The following ALKBH6 variants were observed in gnomAD, a reference collection of about 807,000 sequenced individuals.
The protein encoded by ALKBH6 is alkB homolog 6, nucleotide demethylase.
In ALKBH6, 20 loss-of-function variants were observed where a neutral mutation model predicts 25.1. The ratio of observed to expected loss-of-function variants is 0.80; its 90% CI spans 0.56 to 1.16. The LOEUF (loss-of-function observed/expected upper bound fraction) is 1.16, where lower values mean the gene tolerates loss of function less well. ALKBH6 is among the 50% of genes most tolerant of loss of function. ALKBH6 has a pLI of 0.00. For missense variants in ALKBH6, 263 were observed against 326.5 expected, an observed-to-expected ratio of 0.81 and a Z score of 1.50; for synonymous variants, 156 against 147.5, an observed-to-expected ratio of 1.06 and a Z score of -0.42.
chr19:36,013,741 A>G lies in ALKBH6; in HGVS notation c.-25-319T>C. The G allele has an allele frequency of 1.6e-6, 2 of 1,287,614 alleles. No individual in the cohort carries two copies. Among genetic ancestry groups the G allele is most frequent in the Non-Finnish European group, 2.0e-6 (2 of 1,012,630 alleles). The allele number at this position is 1,287,614 out of a possible 1,614,324, so 79.8% of individuals were successfully genotyped here. On this transcript the variant is annotated intron_variant, in intron 1 of 6. Coordinates refer to ENST00000378875, the MANE Select transcript of ALKBH6 (RefSeq NM_032878.5). The surrounding 1 kb of genome is among the most constrained non-coding windows in gnomAD (Gnocchi z 4.6). ...ACAGGGAGCCTTTCTCAAAAGCTCT[A>G]CACATAGCCCCCAGGGCTGCACTCC...
Position 36,011,425 on chromosome 19 carries a change from C to T in ALKBH6, c.163G>A (p.Gly55Arg). Residue 55 changes from glycine to arginine, a missense_variant, in exon 4 of 7, where the codon GGG (glycine) becomes AGG (arginine). Physicochemically the swap from Gly to Arg is moderately radical, Grantham distance 125 (BLOSUM62 -2). Around this residue, in one of 3 missense-constraint regions of ALKBH6, gnomAD observed 112 missense variants for 153.0 expected, o/e 0.73. Transcript: ENST00000378875. ...APKPKWTQLSGRKLQNWGGLP... is the reference protein window; with the variant it reads ...APKPKWTQLSRRKLQNWGGLP... Reference sequence around the variant, plus strand: ...TTACCCCAGTTCTGTAACTTTCTCCCAGAGAGCTGGGTCCACTTTGGCTTT... The same window carrying T: ...TTACCCCAGTTCTGTAACTTTCTCCTAGAGAGCTGGGTCCACTTTGGCTTT... The T allele has an allele frequency of 6.2e-7, 1 of 1,613,414 alleles. No individual in the cohort carries two copies. Among genetic ancestry groups the T allele is most frequent in the Non-Finnish European group, 8.5e-7 (1 of 1,179,964 alleles).
At position 36,013,879 on chromosome 19, in the gene ALKBH6, A is replaced by C; in HGVS notation, c.-26+296T>G. 1 of 1,302,764 alleles carries C rather than the reference A, an allele frequency of 7.7e-7. No individual in the cohort carries two copies. Among genetic ancestry groups the C allele is most frequent in the Non-Finnish European group, 9.7e-7 (1 of 1,026,680 alleles). 80.7% of individuals were successfully genotyped at this position (1,302,764 alleles called of 1,614,324 possible). On this transcript the variant is annotated intron_variant, in intron 1 of 6. Transcript: ENST00000378875. The surrounding 1 kb of genome is among the most constrained non-coding windows in gnomAD (Gnocchi z 4.6). The stretch of plus-strand genomic sequence containing the variant: ...GAATCCCATTCTGTGCACTCCTGTG[A>C]CCCCAATCTGAGCCTCCTCAGACAT...
At chr19:36,009,849 G>A (rs1365112183) in intron 6 of ALKBH6, among the ~76,000 whole-genome samples, 1 of 152,100 alleles carries the variant, frequency 6.6e-6, no homozygotes, top group Non-Finnish European at 1.5e-5. Context: ...GGATCTCAAA[G>A]GGGCTGAGGC....
chr19:36,011,625 C>T (rs1399162602), intron 3 of ALKBH6, 161 bp from the exon 4 acceptor site: 2 of 750,552 alleles, frequency 2.7e-6, no homozygotes, highest in East Asian at 2.8e-5. Context: ...TTGTGGTTTG[C>T]CTTTTTTCCT....
Position 36,013,238 on chromosome 19 carries a change from T to G in ALKBH6, c.54+106A>C. The G allele has an allele frequency of 6.6e-7, 1 of 1,505,248 alleles. No homozygotes were observed. Among genetic ancestry groups the G allele is most frequent in the South Asian group, 1.1e-5 (1 of 87,306 alleles). 93.2% of individuals were successfully genotyped at this position (1,505,248 alleles called of 1,614,324 possible). A position where few individuals can be genotyped will look rare whatever the true frequency, so the allele number is the denominator to read the frequency against. ...TCAAGGGACCAGTGCCATTCCAGAA[T>G]GGACTCTGACAGTAAGAATGAATTT... On this transcript the variant is annotated intron_variant, in intron 2 of 6. Coordinates refer to ENST00000378875, the MANE Select transcript of ALKBH6 (RefSeq NM_032878.5). The surrounding 1 kb of genome is among the most constrained non-coding windows in gnomAD (Gnocchi z 4.6).
rs748868009 is a variant in ALKBH6 at position 36,010,584 on chromosome 19, C to T, written c.436G>A (p.Asp146Asn). The T allele has an allele frequency of 6.2e-6, 10 of 1,613,718 alleles. No homozygotes were observed. Among genetic ancestry groups the T allele is most frequent in the African/African-American group, 2.7e-5 (2 of 74,884 alleles). ...DFYEPRRPED[D>N]DPTEQPRPPP... The stretch of plus-strand genomic sequence containing the variant: ...GGGCCCACCTGTTCTGTAGGGTCAT[C>T]GTCCTCTGGCCGCCGCGGCTCGTAG... The change falls in exon 6 of 7, where the codon GAT becomes AAT. Residue 146 changes from aspartate (D) to asparagine (N), a missense_variant. By Grantham distance (23) the Asp-to-Asn change is conservative. Around this residue, in one of 3 missense-constraint regions of ALKBH6, gnomAD observed 148 missense variants for 157.5 expected, o/e 0.94. Transcript: ENST00000378875. This position sits in a 1 kb window ranked among gnomAD's most constrained non-coding sequence, Gnocchi z 5.5.
Position 36,010,924 on chromosome 19 carries a change from C to T in ALKBH6, c.306G>A (p.Val102=). The T allele has an allele frequency of 6.2e-7, 1 of 1,614,060 alleles. No individual in the cohort carries two copies. The highest frequency in any genetic ancestry group is 8.5e-7 in the Non-Finnish European group (1 of 1,179,968). Residue 102 remains valine, a synonymous_variant, in exon 5 of 7, where the codon GTG becomes GTA. Transcript: ENST00000378875. The surrounding 1 kb of genome is among the most constrained non-coding windows in gnomAD (Gnocchi z 5.5). ...TGCCCTCCCCAGGCAGATACTGGTT[C>T]ACGAGGACATGGTTAGCTGGGAGGC... ...FGGLPANHVL[V]NQYLPGEGIM...
rs946292038 is a variant in ALKBH6, at chr19:36,013,525, T to C, written c.-25-103A>G. ...AGGCCAGGCCTCACCTCAGCCCTCTTCTGAAACGCACTTGGTCTCTAAAAT... is the reference window on the plus strand; with the variant it reads ...AGGCCAGGCCTCACCTCAGCCCTCTCCTGAAACGCACTTGGTCTCTAAAAT... On this transcript the variant is annotated intron_variant, in intron 1 of 6. Transcript: ENST00000378875. The surrounding 1 kb of genome is among the most constrained non-coding windows in gnomAD (Gnocchi z 4.6). 9 of 1,530,822 alleles carry C rather than the reference T, an allele frequency of 5.9e-6. No homozygotes were observed. The highest frequency in any genetic ancestry group is 4.1e-5 in the Admixed American group (2 of 49,052). 94.8% of individuals were successfully genotyped at this position (1,530,822 alleles called of 1,614,324 possible). A position where few individuals can be genotyped will look rare whatever the true frequency, so the allele number is the denominator to read the frequency against.
In ALKBH6 at chr19:36,009,393, G is replaced by T; in HGVS notation, c.614C>A (p.Pro205Gln). 1.3e-5 allele frequency: 16 copies of T among 1,253,406 alleles called. No individual in the cohort carries two copies. The South Asian group carries it at 1.9e-4, about 15-fold the overall frequency. The allele number at this position is 1,253,406 out of a possible 1,614,324, so 77.6% of individuals were successfully genotyped here. A position where few individuals can be genotyped will look rare whatever the true frequency, so the allele number is the denominator to read the frequency against. ...CAGGCAGGCTCCCGGCCGCGCCGAC[G>T]GGCAGGCTGCCGCATTGGGCGGCGA... is the stretch of plus-strand genomic sequence containing the variant. ...ASSPPNAAAC[P>Q]SARPGACLVR... Residue 205 changes from proline to glutamine, a missense_variant, in exon 7 of 7, where the codon CCG becomes CAG. Around this residue, in one of 3 missense-constraint regions of ALKBH6, gnomAD observed 148 missense variants for 157.5 expected, o/e 0.94. Coordinates refer to ENST00000378875, the MANE Select transcript of ALKBH6 (RefSeq NM_032878.5).
In ALKBH6 at chr19:36,009,548, C is replaced by T. The variant is rs1968526789; in HGVS notation, c.459G>A (p.Arg153=). 1.6e-6 allele frequency: 2 copies of T among 1,232,472 alleles called. No homozygotes were observed. The highest frequency in any genetic ancestry group is 3.9e-5 in the South Asian group (1 of 25,900). The allele number at this position is 1,232,472 out of a possible 1,614,324, so 76.3% of individuals were successfully genotyped here. Reference sequence around the variant, plus strand: ...GCGAGGTGGTGGGCCGGGGCGGAGGCCGAGGCTGCAGGGCGGGTTGAGGGT... The same window carrying T: ...GCGAGGTGGTGGGCCGGGGCGGAGGTCGAGGCTGCAGGGCGGGTTGAGGGT... ...PEDDDPTEQP[R]PPPRPTTSLL... The change falls in exon 7 of 7, where the codon CGG becomes CGA. Residue 153 remains arginine (R), a synonymous_variant. Transcript: ENST00000378875.
In ALKBH6 at chr19:36,013,570, C is replaced by T; in HGVS notation, c.-25-148G>A. On this transcript the variant is annotated intron_variant, in intron 1 of 6. Transcript: ENST00000378875. The surrounding 1 kb of genome is among the most constrained non-coding windows in gnomAD (Gnocchi z 4.6). ...TAAAATCTGAGTCTTCAGCATCTTACAAGCCACACAGAGAGCCCCTACGTT... is the reference window on the plus strand; with the variant it reads ...TAAAATCTGAGTCTTCAGCATCTTATAAGCCACACAGAGAGCCCCTACGTT... The T allele has an allele frequency of 6.9e-7, 1 of 1,447,570 alleles. No homozygotes were observed. Among genetic ancestry groups the T allele is most frequent in the South Asian group, 1.4e-5 (1 of 70,220 alleles). 89.7% of individuals were successfully genotyped at this position (1,447,570 alleles called of 1,614,324 possible).
At chr19:36,014,131 C>A (rs1968711836) in intron 1 of ALKBH6, 44 bp downstream of exon 1, 1 of 1,609,934 alleles carries the variant, frequency 6.2e-7, no homozygotes, top group South Asian at 1.1e-5. Flanking sequence ...CACTTTCAGC[C>A]CTATTGACAT....
intron 3 of ALKBH6, 200 bp downstream of exon 3, chr19:36,012,820 TC>T: frequency 1.7e-6 from 1 of 591,002 alleles, no homozygotes; most frequent in East Asian, 2.9e-5. Flanking sequence ...AACTGGGCTA[TC>T]TCAGCCTATG....
At position 36,013,337 on chromosome 19, in the gene ALKBH6, T is replaced by G. The variant is rs1968671017; in HGVS notation, c.54+7A>C. The stretch of plus-strand genomic sequence containing the variant: ...CCTTCACCCTCTGCACCCTGAGTTC[T>G]GACAACCTGCTCCACTCTGAACGGT... On this transcript the variant is annotated splice_region_variant and intron_variant, in intron 2 of 6. Coordinates refer to ENST00000378875, the MANE Select transcript of ALKBH6 (RefSeq NM_032878.5). The surrounding 1 kb of genome is among the most constrained non-coding windows in gnomAD (Gnocchi z 4.6). 2 of 1,613,908 alleles carry G rather than the reference T, an allele frequency of 1.2e-6. No individual in the cohort carries two copies. Among genetic ancestry groups the G allele is most frequent in the Admixed American group, 1.7e-5 (1 of 59,978 alleles).
chr19:36,009,273 G>A lies in ALKBH6; in HGVS notation c.*17C>T, dbSNP rs900962928. On this transcript the variant is annotated 3_prime_UTR_variant, in exon 7 of 7. Transcript: ENST00000378875. ...GGGGCAGGAACCTGGGAATCCGAGG[G>A]GTCCCGGCCCTGGCGGTCACTTGCC... is the stretch of plus-strand genomic sequence containing the variant. The A allele has an allele frequency of 2.3e-6, 3 of 1,320,294 alleles. No homozygotes were observed. The highest frequency in any genetic ancestry group is 3.1e-5 in the African/African-American group (2 of 65,090). The allele number at this position is 1,320,294 out of a possible 1,614,324, so 81.8% of individuals were successfully genotyped here.
intron 3 of ALKBH6, chr19:36,011,758 C>T (rs954224239): frequency 1.8e-4 from 54 of 297,540 alleles, no homozygotes; most frequent in Admixed American, 1.3e-4. Flanking sequence ...CTGGACAGGG[C>T]TCTTTCAGCC....
chr19:36,011,351 C>G, intron 4 of ALKBH6, 53 bp downstream of exon 4: 1 of 1,597,430 alleles, frequency 6.3e-7, no homozygotes. Context: ...CCTGAGTCCC[C>G]TGCCCCAGCC....
Position 36,010,821 on chromosome 19 carries a change from G to A in ALKBH6, c.336+73C>T. On this transcript the variant is annotated intron_variant, in intron 5 of 6. Transcript: ENST00000378875. This position sits in a 1 kb window ranked among gnomAD's most constrained non-coding sequence, Gnocchi z 5.5. Reference sequence around the variant, plus strand: ...TGTGGCTGCCTAATGAGTGAGGGTGGGTACAGAGTCCCCTGCCCCAGCACA... The same window carrying A: ...TGTGGCTGCCTAATGAGTGAGGGTGAGTACAGAGTCCCCTGCCCCAGCACA... The A allele has an allele frequency of 6.3e-7, 1 of 1,592,388 alleles. No homozygotes were observed. Among genetic ancestry groups the A allele is most frequent in the Non-Finnish European group, 8.6e-7 (1 of 1,160,926 alleles).
chr19:36,010,285 T>G lies in ALKBH6; in HGVS notation c.453+282A>C. 1 of 391,592 alleles carries G rather than the reference T, an allele frequency of 2.6e-6. No individual in the cohort carries two copies. The allele number at this position is 391,592 out of a possible 1,614,324, so 24.3% of individuals were successfully genotyped here. ...GTGAGGCCCCCCGAGTTAATGGCGG[T>G]GGGGTATCTAAGGATATCAGTGTCT... On this transcript the variant is annotated intron_variant, in intron 6 of 6. Coordinates refer to ENST00000378875, the MANE Select transcript of ALKBH6 (RefSeq NM_032878.5). The surrounding 1 kb of genome is among the most constrained non-coding windows in gnomAD (Gnocchi z 5.5).
Sources: allele counts gnomAD v4.1 joint callset (sites outside exome capture counted in the v4.1 genomes callset), GRCh38; gene constraint gnomAD v4.1.1; regional missense constraint gnomAD v4.1.1; non-coding constraint Gnocchi (gnomAD v3.1); transcripts MANE v1.5; gene names NCBI Gene and HGNC (gene_info 2026-07-23, HGNC 2026-07-21).